Variants in HS3ST4 observed in about 807,000 individuals in gnomAD.
HS3ST4 encodes the protein heparan sulfate glucosamine 3-O-sulfotransferase 4.
Under a neutral mutation model 29.2 loss-of-function variants are expected in HS3ST4, and 17 were observed. The observed-to-expected ratio is 0.58, with a 90% CI of 0.40 to 0.87. The LOEUF (loss-of-function observed/expected upper bound fraction) is 0.87. HS3ST4 is among the 40% of genes least tolerant of loss of function. The pLI is 0.00. For synonymous variants in HS3ST4, 314 were observed against 285.7 expected (o/e 1.10, Z -1.00); for missense variants, 627 against 634.5 (o/e 0.99, Z 0.13).
At chr16:25,998,560 A>C (rs1969177145) in intron 1 of HS3ST4, among the ~76,000 whole-genome samples, 1 of 152,176 alleles carries the variant, frequency 6.6e-6, no homozygotes, top group South Asian at 2.1e-4. Flanking sequence ...GCAGATTATC[A>C]GAGTATTTTC....
chr16:25,695,151 A>G (rs1966285734), intron 1 of HS3ST4, among the ~76,000 whole-genome samples: 1 of 152,106 alleles, frequency 6.6e-6, no homozygotes, highest in Non-Finnish European at 1.5e-5. Context: ...TGCTTGTGGT[A>G]TTTGGGACTC....
chr16:25,874,343 A>G (rs1051656490), intron 1 of HS3ST4, among the ~76,000 whole-genome samples: 2 of 152,176 alleles, frequency 1.3e-5, no homozygotes, highest in Non-Finnish European at 2.9e-5. Context: ...GTGAAGAAAC[A>G]GGTCCAGAGG....
intron 1 of HS3ST4, among the ~76,000 whole-genome samples, chr16:26,025,967 C>A (rs1260949462): frequency 6.6e-6 from 1 of 150,524 alleles, no homozygotes; most frequent in Non-Finnish European, 1.5e-5. Flanking sequence ...GTAGAGACAG[C>A]GTTTTACCAT....
At chr16:25,959,557 G>A (rs944944995) in intron 1 of HS3ST4, among the ~76,000 whole-genome samples, 12 of 152,196 alleles carry the variant, frequency 7.9e-5, no homozygotes, top group African/African-American at 2.9e-4. Flanking sequence ...TGGGGAAGTG[G>A]CCAGATCACA....
intron 1 of HS3ST4, among the ~76,000 whole-genome samples, chr16:25,988,156 C>T (rs866086129): frequency 9.8e-5 from 15 of 152,326 alleles, no homozygotes; most frequent in African/African-American, 3.1e-4. Context: ...TTCGTCTGCA[C>T]GCCTGTCTTC....
chr16:25,852,147 C>T (rs560967374), intron 1 of HS3ST4, among the ~76,000 whole-genome samples: 100 of 152,302 alleles, frequency 6.6e-4, no homozygotes, highest in Middle Eastern at 6.8e-3. Flanking sequence ...ATGAGAAAGT[C>T]AGCAGGGTCT....
chr16:25,889,167 G>A (rs1174011926), intron 1 of HS3ST4, among the ~76,000 whole-genome samples: 1 of 152,188 alleles, frequency 6.6e-6, no homozygotes, highest in Admixed American at 6.5e-5. Flanking sequence ...TTCTTTAATG[G>A]GGAGTGCTCC....
chr16:25,753,451 C>T (rs1185934880), intron 1 of HS3ST4, among the ~76,000 whole-genome samples: 1 of 152,142 alleles, frequency 6.6e-6, no homozygotes, highest in African/African-American at 2.4e-5. Context: ...TGGTGAGTTT[C>T]AGTTGGGTGT....
At chr16:26,071,607 G>A (rs538909744) in intron 1 of HS3ST4, among the ~76,000 whole-genome samples, 8 of 152,082 alleles carry the variant, frequency 5.3e-5, no homozygotes, top group Middle Eastern at 3.2e-3. Flanking sequence ...CAATAGAGTC[G>A]CACTGTTTAC....
chr16:25,974,322 C>T (rs62034467), intron 1 of HS3ST4, among the ~76,000 whole-genome samples: 1 of 152,190 alleles, frequency 6.6e-6, no homozygotes, highest in Non-Finnish European at 1.5e-5. Context: ...CTATTTTTAA[C>T]GTCCCCTCTG....
At chr16:25,813,009 T>C (rs184993956) in intron 1 of HS3ST4, among the ~76,000 whole-genome samples, 1 of 152,254 alleles carries the variant, frequency 6.6e-6, no homozygotes, top group Admixed American at 6.5e-5. Context: ...ATGGCTCAAC[T>C]CACAGACTAG....
intron 1 of HS3ST4, among the ~76,000 whole-genome samples, chr16:25,940,722 A>G (rs747721970): frequency 1.3e-5 from 2 of 152,150 alleles, no homozygotes; most frequent in Non-Finnish European, 2.9e-5. Flanking sequence ...GGGAGGTTGG[A>G]GCATGAAGTA....
chr16:25,746,138 T>G (rs1254175805), intron 1 of HS3ST4, among the ~76,000 whole-genome samples: 2 of 152,240 alleles, frequency 1.3e-5, no homozygotes, highest in Non-Finnish European at 2.9e-5. Context: ...ACTATGAGCT[T>G]CTGAAGGTCA....
chr16:25,866,383 T>C (rs2141657291), intron 1 of HS3ST4, among the ~76,000 whole-genome samples: 1 of 152,242 alleles, frequency 6.6e-6, no homozygotes, highest in African/African-American at 2.4e-5. Flanking sequence ...CTATTCACAA[T>C]AGGAAAGACT....
intron 1 of HS3ST4, among the ~76,000 whole-genome samples, chr16:26,068,651 A>G (rs1164504343): frequency 6.6e-6 from 1 of 152,146 alleles, no homozygotes; most frequent in Non-Finnish European, 1.5e-5. Context: ...TTGGGGCTCA[A>G]GTGGTCGTTT....
At chr16:25,856,103 G>A (rs1596592263) in intron 1 of HS3ST4, among the ~76,000 whole-genome samples, 4 of 152,018 alleles carry the variant, frequency 2.6e-5, no homozygotes, top group Admixed American at 2.6e-4. Flanking sequence ...TGCTTTTCAC[G>A]GGGAAAAGCT....
At chr16:25,904,163 AATGGATGGATGG>A (rs111988239) in intron 1 of HS3ST4, among the ~76,000 whole-genome samples, 238 of 128,948 alleles carry the variant, frequency 1.8e-3, no homozygotes, top group Non-Finnish European at 2.8e-3. Context: ...TGAATGGATG[AATGGATGGATGG>A]ATGGATGGAC....
At chr16:25,927,649 G>A (rs1032214976) in intron 1 of HS3ST4, among the ~76,000 whole-genome samples, 4 of 151,734 alleles carry the variant, frequency 2.6e-5, no homozygotes, top group East Asian at 1.9e-4. Context: ...AATAGCTCCC[G>A]TCTTCAAGAG....
rs58364733 is a variant in HS3ST4 at position 26,054,269 on chromosome 16, GGAGAGAGAGAGAGA to G, written c.735-81326_735-81313del. On this transcript the variant is annotated intron_variant, in intron 1 of 1. Transcript: ENST00000331351. ...GAAGGAGAGAGAGAGACAGAGAGAG[GGAGAGAGAGAGAGA>G]GAGAGAGAGAGAGAGAAGGAGGAGG... Among the ~76,000 whole-genome samples, 503 of 133,734 alleles carry G rather than the reference GGAGAGAGAGAGAGA, an allele frequency of 3.8e-3. 3 individuals carry two copies. Among genetic ancestry groups the G allele is most frequent in the African/African-American group, 0.014 (488 of 35,056 alleles). The allele number at this position is 133,734 out of a possible 152,430, so 87.7% of individuals were successfully genotyped here.
Sources: allele counts gnomAD v4.1 joint callset (sites outside exome capture counted in the v4.1 genomes callset), GRCh38; gene constraint gnomAD v4.1.1; transcripts MANE v1.5; gene names NCBI Gene and HGNC (gene_info 2026-07-23, HGNC 2026-07-21).